The following RANBP2 variants were observed in gnomAD, a reference collection of about 807,000 sequenced individuals.
RANBP2 encodes the protein RAN binding protein 2, also known as E3 SUMO-protein ligase RanBP2.
A neutral mutation model predicts 303.6 loss-of-function variants in RANBP2; 57 were observed. The observed-to-expected ratio is 0.19, with a 90% CI of 0.15 to 0.23. RANBP2 has a LOEUF of 0.23. Ranked by LOEUF, RANBP2 falls within the 10% of genes least tolerant of loss-of-function variation. The probability of loss-of-function intolerance (pLI) is 1.00; values close to 1 mark genes in which losing one functional copy is unlikely to be tolerated. For missense variants in RANBP2, 3,138 were observed against 3,780.8 expected, an observed-to-expected ratio of 0.83 and a Z score of 4.46; for synonymous variants, 1,167 against 1,301.5, an observed-to-expected ratio of 0.90 and a Z score of 2.23.
intron 1 of RANBP2, among the ~76,000 whole-genome samples, chr2:108,728,454 T>G (rs1378841189): frequency 2.0e-5 from 3 of 152,094 alleles, no homozygotes. Flanking sequence ...CCACTATGCC[T>G]GGCTATTTTT....
chr2:109,544,437 GA>G, the RANBP2 span: 1 of 1,402,536 alleles, frequency 7.1e-7, no homozygotes, highest in Non-Finnish European at 9.2e-7. Context: ...CTTTGAAAAA[GA>G]AAAGAAAAAA....
At chr2:109,554,139 G>A in the RANBP2 span, among the ~76,000 whole-genome samples, 1 of 151,982 alleles carries the variant, frequency 6.6e-6, no homozygotes, top group Non-Finnish European at 1.5e-5. Context: ...AAAACAAGAA[G>A]GACAATTAAT....
chr2:108,775,230 T>C lies in RANBP2; in HGVS notation c.8293-502T>C, dbSNP rs757180071. 4.9e-4 allele frequency among the ~76,000 whole-genome samples: 74 copies of C among 152,196 alleles called. 1 individual carries two copies. Among genetic ancestry groups the C allele is most frequent in the Non-Finnish European group, 1.0e-4 (7 of 68,028 alleles). ...TTTCCAAATATTTGGTGATTTTCCT[T>C]CTGTATATCATTCTCTTATTGATTT... is the stretch of plus-strand genomic sequence containing the variant. On this transcript the variant is annotated intron_variant, in intron 23 of 28. Transcript: ENST00000283195.
chr2:109,087,992 C>T, the RANBP2 span, among the ~76,000 whole-genome samples: 2 of 152,284 alleles, frequency 1.3e-5, no homozygotes, highest in South Asian at 4.1e-4. Flanking sequence ...CGGCCGGGCG[C>T]GTTGGCTCAC....
the RANBP2 span, among the ~76,000 whole-genome samples, chr2:109,252,345 A>G: frequency 3.9e-5 from 6 of 152,202 alleles, no homozygotes; most frequent in South Asian, 1.2e-3. Context: ...AGCCGGGTTT[A>G]TTTTTAGAGG....
At chr2:109,490,943 G>A in the RANBP2 span, 3 of 1,477,974 alleles carry the variant, frequency 2.0e-6, no homozygotes, top group Admixed American at 4.3e-5. Context: ...AGAGGTAAGT[G>A]CAGGGGCTTG....
the RANBP2 span, among the ~76,000 whole-genome samples, chr2:109,312,183 A>T: frequency 8.9e-4 from 135 of 152,332 alleles, 1 homozygote; most frequent in African/African-American, 2.8e-3. Context: ...AAGTCTAATG[A>T]AAATCTTACA....
chr2:109,062,754 G>A, the RANBP2 span, among the ~76,000 whole-genome samples: 1 of 152,144 alleles, frequency 6.6e-6, no homozygotes, highest in East Asian at 1.9e-4. Flanking sequence ...CTGGAGTCCT[G>A]GGGAAGAAAA....
At chr2:109,614,170 CG>C in the RANBP2 span, 1 of 1,177,934 alleles carries the variant, frequency 8.5e-7, no homozygotes. Context: ...GCGGGAACTG[CG>C]GAGCAGTGAT....
At chr2:108,837,758 C>T in the RANBP2 span, among the ~76,000 whole-genome samples, 1 of 152,130 alleles carries the variant, frequency 6.6e-6, no homozygotes, top group Non-Finnish European at 1.5e-5. Context: ...TAGAGTGTAT[C>T]TCTGTCATTA....
At chr2:109,332,544 G>A in the RANBP2 span, among the ~76,000 whole-genome samples, 4 of 152,112 alleles carry the variant, frequency 2.6e-5, no homozygotes, top group Admixed American at 6.5e-5. Context: ...CTCCTGTCCC[G>A]AGCTCCCCGC....
the RANBP2 span, among the ~76,000 whole-genome samples, chr2:109,508,037 G>T: frequency 3.9e-5 from 6 of 152,274 alleles, no homozygotes; most frequent in African/African-American, 1.2e-4. Flanking sequence ...ACGTTTGTGG[G>T]TATTGCTGGG....
chr2:109,576,689 T>TG, the RANBP2 span, among the ~76,000 whole-genome samples: 1 of 152,184 alleles, frequency 6.6e-6, no homozygotes, highest in African/African-American at 2.4e-5. Context: ...TAACCATAAA[T>TG]GTACCTCTAT....
the RANBP2 span, among the ~76,000 whole-genome samples, chr2:109,647,356 G>T: frequency 6.6e-6 from 1 of 151,868 alleles, no homozygotes; most frequent in East Asian, 1.9e-4. Context: ...TAGAGACGGG[G>T]TTTCACCGTG....
chr2:109,646,287 G>A, the RANBP2 span, among the ~76,000 whole-genome samples: 3 of 152,040 alleles, frequency 2.0e-5, no homozygotes, highest in African/African-American at 7.2e-5. Flanking sequence ...ATGTAAGGGG[G>A]CAAGAGGCAA....
chr2:109,693,813 CTG>C, the RANBP2 span, among the ~76,000 whole-genome samples: 1 of 152,140 alleles, frequency 6.6e-6, no homozygotes, highest in Admixed American at 6.5e-5. Context: ...TAAAACCAAA[CTG>C]TGTTCTGACC....
chr2:109,471,140 G>C, the RANBP2 span, among the ~76,000 whole-genome samples: 2 of 151,226 alleles, frequency 1.3e-5, no homozygotes, highest in East Asian at 3.9e-4. Context: ...TTGAACCCAG[G>C]GGGCAGAGTT....
the RANBP2 span, among the ~76,000 whole-genome samples, chr2:109,523,933 T>C: frequency 2.0e-5 from 3 of 151,952 alleles, no homozygotes; most frequent in South Asian, 6.3e-4. Flanking sequence ...CCAGTGTCTG[T>C]AAGGAGCTGT....
At chr2:109,267,729 A>G in the RANBP2 span, among the ~76,000 whole-genome samples, 1 of 152,118 alleles carries the variant, frequency 6.6e-6, no homozygotes, top group Admixed American at 6.5e-5. Context: ...CCTGTTTCTC[A>G]GTGCATGTCA....
Sources: allele counts gnomAD v4.1 joint callset (sites outside exome capture counted in the v4.1 genomes callset), GRCh38; gene constraint gnomAD v4.1.1; transcripts MANE v1.5; gene names NCBI Gene and HGNC (gene_info 2026-07-23, HGNC 2026-07-21).